Variants in CNTNAP2 observed in about 807,000 individuals in gnomAD.
The protein encoded by CNTNAP2 is contactin associated protein 2.
A neutral mutation model predicts 155.2 loss-of-function variants in CNTNAP2; 98 were observed. That is an observed-to-expected ratio of 0.63 (90% CI 0.54 to 0.75). The LOEUF is 0.75. CNTNAP2 is among the 30% of genes least tolerant of loss of function. The pLI is 0.00. For synonymous variants in CNTNAP2, 651 were observed against 631.2 expected (o/e 1.03, Z -0.47); for missense variants, 1,727 against 1,688.1 (o/e 1.02, Z -0.40).
intron 23 of CNTNAP2, 44 bp from the exon 24 acceptor site, chr7:148,415,373 C>T: frequency 1.9e-6 from 3 of 1,603,974 alleles, no homozygotes; most frequent in South Asian, 1.1e-5. Flanking sequence ...TGGAGGGACT[C>T]CCAAGCCCTG....
At chr7:147,033,106 A>T (rs1799066721) in intron 3 of CNTNAP2, among the ~76,000 whole-genome samples, 3 of 145,584 alleles carry the variant, frequency 2.1e-5, no homozygotes, top group African/African-American at 7.5e-5. Context: ...AGATGTATTT[A>T]TTTGGGTAAA....
At chr7:147,579,856 G>A (rs574055595) in intron 12 of CNTNAP2, among the ~76,000 whole-genome samples, 116 of 152,064 alleles carry the variant, frequency 7.6e-4, no homozygotes, top group Non-Finnish European at 1.4e-3. Context: ...ATACACTTGG[G>A]AAATTCTGGC....
chr7:146,791,430 A>G (rs1285892605), intron 2 of CNTNAP2, among the ~76,000 whole-genome samples: 1 of 152,164 alleles, frequency 6.6e-6, no homozygotes, highest in East Asian at 1.9e-4. Context: ...TAGTAGAATG[A>G]TTTATAATCC....
intron 5 of CNTNAP2, among the ~76,000 whole-genome samples, chr7:147,117,144 C>G (rs1801007629): frequency 6.6e-6 from 1 of 152,112 alleles, no homozygotes; most frequent in Non-Finnish European, 1.5e-5. Flanking sequence ...GTGCAGACCT[C>G]CCGCCTTGCC....
chr7:147,997,839 G>T (rs1192478713), intron 15 of CNTNAP2, among the ~76,000 whole-genome samples: 1 of 152,092 alleles, frequency 6.6e-6, no homozygotes, highest in Non-Finnish European at 1.5e-5. Flanking sequence ...ATGCGCAGTA[G>T]CCGCACATGC....
At chr7:146,764,911 T>A (rs1386227382) in intron 1 of CNTNAP2, among the ~76,000 whole-genome samples, 1 of 152,192 alleles carries the variant, frequency 6.6e-6, no homozygotes, top group African/African-American at 2.4e-5. Context: ...TTGTGTTCAA[T>A]ATTTTTCAAA....
At chr7:147,754,999 A>G (rs565582614) in intron 13 of CNTNAP2, among the ~76,000 whole-genome samples, 2 of 152,370 alleles carry the variant, frequency 1.3e-5, no homozygotes, top group African/African-American at 4.8e-5. Flanking sequence ...GTCAATTGCC[A>G]TTATCTATTG....
chr7:146,437,774 GT>G (rs1796263762), intron 1 of CNTNAP2, among the ~76,000 whole-genome samples: 1 of 151,500 alleles, frequency 6.6e-6, no homozygotes, highest in South Asian at 2.1e-4. Context: ...TTTCTAGCCT[GT>G]TTGGGCACTC....
At chr7:147,661,150 T>C (rs566357506) in intron 13 of CNTNAP2, among the ~76,000 whole-genome samples, 1 of 152,206 alleles carries the variant, frequency 6.6e-6, no homozygotes, top group South Asian at 2.1e-4. Flanking sequence ...GTAGTAGATA[T>C]AATCCTCCAG....
chr7:147,398,379 G>A (rs1242957388), intron 10 of CNTNAP2, among the ~76,000 whole-genome samples: 2 of 145,498 alleles, frequency 1.4e-5, no homozygotes, highest in Non-Finnish European at 3.0e-5. Context: ...CAGCTTGATC[G>A]ATTTGAGAGT....
chr7:148,055,543 G>A (rs1802990709), intron 15 of CNTNAP2, among the ~76,000 whole-genome samples: 1 of 152,110 alleles, frequency 6.6e-6, no homozygotes, highest in Non-Finnish European at 1.5e-5. Context: ...TGTAAAATGG[G>A]ACAATGATAG....
intron 1 of CNTNAP2, among the ~76,000 whole-genome samples, chr7:146,268,686 G>A (rs1363844041): frequency 1.3e-5 from 2 of 152,130 alleles, no homozygotes; most frequent in African/African-American, 4.8e-5. Context: ...GAAAATGAAA[G>A]AATAATTCAT....
At chr7:147,720,615 C>T (rs2117026924) in intron 13 of CNTNAP2, among the ~76,000 whole-genome samples, 1 of 152,136 alleles carries the variant, frequency 6.6e-6, no homozygotes. Flanking sequence ...ATCATGGGGA[C>T]AGTTTCCCCC....
chr7:146,746,691 C>T (rs997301163), intron 1 of CNTNAP2, among the ~76,000 whole-genome samples: 13 of 152,074 alleles, frequency 8.5e-5, no homozygotes, highest in Admixed American at 4.6e-4. Context: ...TAAAATTTTA[C>T]CTACTGGTAA....
intron 8 of CNTNAP2, among the ~76,000 whole-genome samples, chr7:147,170,947 CAGAGGG>C (rs1273771432): frequency 6.6e-6 from 1 of 152,162 alleles, no homozygotes; most frequent in African/African-American, 2.4e-5. Context: ...CAGGGCCTCT[CAGAGGG>C]AGATGGAGAG....
intron 1 of CNTNAP2, among the ~76,000 whole-genome samples, chr7:146,361,850 G>C (rs1334888808): frequency 6.6e-6 from 1 of 152,156 alleles, no homozygotes; most frequent in Non-Finnish European, 1.5e-5. Flanking sequence ...ATATTGGGCA[G>C]TACTGCATAT....
chr7:147,937,756 G>A (rs953832458), intron 14 of CNTNAP2, among the ~76,000 whole-genome samples: 3 of 152,010 alleles, frequency 2.0e-5, no homozygotes, highest in Non-Finnish European at 4.4e-5. Context: ...TCTCATTTTC[G>A]AAACCCCTTT....
intron 8 of CNTNAP2, among the ~76,000 whole-genome samples, chr7:147,180,404 T>C (rs559424553): frequency 2.6e-5 from 4 of 152,310 alleles, no homozygotes; most frequent in Non-Finnish European, 5.9e-5. Flanking sequence ...ATTTAGTACA[T>C]TTTGTTATTA....
intron 9 of CNTNAP2, among the ~76,000 whole-genome samples, chr7:147,304,957 C>T (rs1795000348): frequency 6.6e-6 from 1 of 151,982 alleles, no homozygotes; most frequent in Non-Finnish European, 1.5e-5. Flanking sequence ...ATGTTCTCAT[C>T]GAAGAAAAAT....
Sources: gnomAD v4.1 joint callset for allele counts (sites outside exome capture counted in the v4.1 genomes callset) on GRCh38, gnomAD v4.1.1 for gene constraint, MANE v1.5 for transcripts, NCBI Gene and HGNC (gene_info 2026-07-23, HGNC 2026-07-21) for gene names.